FNBP1L: variants seen among roughly 807,000 people sequenced by gnomAD.
FNBP1L encodes formin binding protein 1 like, also known as formin-binding protein 1-like.
In FNBP1L, 36 loss-of-function variants were observed where a neutral mutation model predicts 91.2. The ratio of observed to expected loss-of-function variants is 0.39; its 90% CI spans 0.30 to 0.52. The LOEUF is 0.52. Ranked by LOEUF, FNBP1L falls within the 20% of genes least tolerant of loss-of-function variation. FNBP1L has a pLI of 0.66. For missense variants in FNBP1L, 571 were observed against 732.1 expected, an observed-to-expected ratio of 0.78 and a Z score of 2.54; for synonymous variants, 242 against 237.0, an observed-to-expected ratio of 1.02 and a Z score of -0.19.
At chr1:93,550,514 G>A (rs1361695536) in intron 15 of FNBP1L, among the ~76,000 whole-genome samples, 1 of 152,090 alleles carries the variant, frequency 6.6e-6, no homozygotes, top group African/African-American at 2.4e-5. Flanking sequence ...ATTTTTCTCT[G>A]TTCTCCCTTC....
intron 1 of FNBP1L, among the ~76,000 whole-genome samples, chr1:93,494,394 T>C (rs573424868): frequency 1.2e-4 from 19 of 152,296 alleles, no homozygotes; most frequent in African/African-American, 4.6e-4. Context: ...TTATGGGGGC[T>C]CCATTACATA....
In FNBP1L at chr1:93,524,662, A is replaced by G. The variant is rs1255223562; in HGVS notation, c.405+339A>G. Among the ~76,000 whole-genome samples the G allele has an allele frequency of 2.0e-5, 3 of 150,126 alleles. No individual in the cohort carries two copies. The East Asian group carries it at 5.8e-4, about 29-fold the overall frequency. On this transcript the variant is annotated intron_variant, in intron 5 of 16. Coordinates refer to ENST00000271234, the MANE Select transcript of FNBP1L (RefSeq NM_001164473.3). The stretch of plus-strand genomic sequence containing the variant: ...ATAGAAGTAAGAGGGAAAAGGAGAT[A>G]TATCTTAGAAGACTATTTCCTGAGG...
At chr1:93,537,278 C>G (rs1277627640) in intron 10 of FNBP1L, among the ~76,000 whole-genome samples, 1 of 151,944 alleles carries the variant, frequency 6.6e-6, no homozygotes, top group Non-Finnish European at 1.5e-5. Context: ...GTTCATTAAC[C>G]CATAGATGAG....
chr1:93,476,108 GTATGTTAGTGC>G (rs1320955116), intron 1 of FNBP1L, among the ~76,000 whole-genome samples: 1 of 151,984 alleles, frequency 6.6e-6, no homozygotes, highest in Non-Finnish European at 1.5e-5. Flanking sequence ...AATTTCATTG[GTATGTTAGTGC>G]ATTAAAACAT....
At chr1:93,479,673 A>C (rs1169048218) in intron 1 of FNBP1L, among the ~76,000 whole-genome samples, 1 of 152,204 alleles carries the variant, frequency 6.6e-6, no homozygotes. Context: ...ATTTAGCGAT[A>C]TCTCTCCTAC....
At chr1:93,547,091 T>C in intron 13 of FNBP1L, 117 bp downstream of exon 13, 1 of 1,226,400 alleles carries the variant, frequency 8.2e-7, no homozygotes, top group Non-Finnish European at 1.1e-6. Context: ...GGGTTTATGA[T>C]CTAAAAGTAT....
intron 1 of FNBP1L, among the ~76,000 whole-genome samples, chr1:93,469,785 A>G (rs1165171279): frequency 1.3e-5 from 2 of 152,118 alleles, no homozygotes; most frequent in Non-Finnish European, 1.5e-5. Context: ...AGCCTGGGCA[A>G]TATAGCAAGA....
intron 2 of FNBP1L, among the ~76,000 whole-genome samples, chr1:93,510,281 C>T (rs1367371362): frequency 6.6e-6 from 1 of 152,022 alleles, no homozygotes; most frequent in African/African-American, 2.4e-5. Context: ...AGACTGCCTC[C>T]TCAAGTGGGT....
intron 1 of FNBP1L, among the ~76,000 whole-genome samples, chr1:93,480,280 A>C (rs1669651284): frequency 6.6e-6 from 1 of 152,202 alleles, no homozygotes; most frequent in South Asian, 2.1e-4. Flanking sequence ...TTCCATCCGC[A>C]TACCAACCTA....
intron 12 of FNBP1L, among the ~76,000 whole-genome samples, chr1:93,546,286 A>T (rs1357105980): frequency 6.6e-6 from 1 of 152,138 alleles, no homozygotes; most frequent in Non-Finnish European, 1.5e-5. Context: ...ATAGTGTCAG[A>T]TGTTAGAGTC....
At chr1:93,478,550 G>A (rs1331782891) in intron 1 of FNBP1L, among the ~76,000 whole-genome samples, 6 of 152,184 alleles carry the variant, frequency 3.9e-5, no homozygotes, top group African/African-American at 1.4e-4. Flanking sequence ...CAGCACAGTG[G>A]CATCAGCTTG....
chr1:93,478,073 A>G (rs2101704722), intron 1 of FNBP1L, among the ~76,000 whole-genome samples: 1 of 152,378 alleles, frequency 6.6e-6, no homozygotes, highest in East Asian at 1.9e-4. Flanking sequence ...GTGAATTAAG[A>G]ATCTTTCCAG....
chr1:93,504,499 C>T (rs1047682785), intron 2 of FNBP1L, among the ~76,000 whole-genome samples: 6 of 152,184 alleles, frequency 3.9e-5, no homozygotes, highest in Admixed American at 3.9e-4. Flanking sequence ...TTATCAGCAG[C>T]GTGAAAACGA....
chr1:93,495,734 T>A (rs1670239749), intron 1 of FNBP1L, among the ~76,000 whole-genome samples: 1 of 152,194 alleles, frequency 6.6e-6, no homozygotes, highest in East Asian at 1.9e-4. Context: ...AAAAGAGAAA[T>A]TTTAATGGTG....
chr1:93,448,251 C>G lies in FNBP1L; in HGVS notation c.-31C>G, dbSNP rs1232034596. 2 of 1,520,278 alleles carry G rather than the reference C, an allele frequency of 1.3e-6. No individual in the cohort carries two copies. The highest frequency in any genetic ancestry group is 2.9e-5 in the African/African-American group (2 of 69,044). 94.2% of individuals were successfully genotyped at this position (1,520,278 alleles called of 1,614,324 possible). A position where few individuals can be genotyped will look rare whatever the true frequency, so the allele number is the denominator to read the frequency against. Reference sequence around the variant, plus strand: ...GTGGAGCCGACAGACTGAAGGACAGCGGCACCGCCAGACGGCCAGAAAGTT... The same window carrying G: ...GTGGAGCCGACAGACTGAAGGACAGGGGCACCGCCAGACGGCCAGAAAGTT... On this transcript the variant is annotated 5_prime_UTR_variant, in exon 1 of 17. Transcript: ENST00000271234.
At position 93,540,991 on chromosome 1, in the gene FNBP1L, T is replaced by C. The variant is rs1297529601; in HGVS notation, c.1150-51T>C. 3 of 1,513,738 alleles carry C rather than the reference T, an allele frequency of 2.0e-6. No individual in the cohort carries two copies. In the East Asian group the frequency reaches 7.4e-5, roughly 37 times the overall value. The allele number at this position is 1,513,738 out of a possible 1,614,324, so 93.8% of individuals were successfully genotyped here. On this transcript the variant is annotated intron_variant, in intron 10 of 16. Transcript: ENST00000271234. ...GGCTATTGCATCTTCTGTATTATGG[T>C]TTCCTGTGAATAATTTACCATTTCT...
chr1:93,523,319 C>T (rs369614357), intron 3 of FNBP1L, 25 bp from the exon 4 acceptor site: 2 of 1,581,630 alleles, frequency 1.3e-6, no homozygotes, highest in Non-Finnish European at 8.6e-7. Flanking sequence ...AAGTAAGTCT[C>T]ACCATTTTGA....
At chr1:93,486,363 G>A (rs1049542179) in intron 1 of FNBP1L, among the ~76,000 whole-genome samples, 1 of 152,008 alleles carries the variant, frequency 6.6e-6, no homozygotes, top group African/African-American at 2.4e-5. Context: ...AGTTTCAGAT[G>A]TAAAAATGTC....
intron 1 of FNBP1L, among the ~76,000 whole-genome samples, chr1:93,477,170 CAA>C (rs1669525065): frequency 6.6e-6 from 1 of 152,210 alleles, no homozygotes; most frequent in Middle Eastern, 3.4e-3. Flanking sequence ...AGAGATCAGT[CAA>C]GAGGCTATTG....
Sources: gnomAD v4.1 joint callset for allele counts (sites outside exome capture counted in the v4.1 genomes callset) on GRCh38, gnomAD v4.1.1 for gene constraint, MANE v1.5 for transcripts, NCBI Gene and HGNC (gene_info 2026-07-23, HGNC 2026-07-21) for gene names.